JPH1: variants seen among roughly 807,000 people sequenced by gnomAD.
JPH1 encodes junctophilin 1, also known as junctophilin-1.
A neutral mutation model predicts 53.6 loss-of-function variants in JPH1; 12 were observed. The ratio of observed to expected loss-of-function variants is 0.22; its 90% confidence interval spans 0.14 to 0.36. The LOEUF is 0.36. JPH1 is among the 10% of genes least tolerant of loss of function. JPH1 has a pLI of 1.00. For missense variants in JPH1, 808 were observed against 905.5 expected, an observed-to-expected ratio of 0.89 and a Z score of 1.38; for synonymous variants, 375 against 363.8, an observed-to-expected ratio of 1.03 and a Z score of -0.35.
chr8:74,277,541 A>G (rs943770444), intron 2 of JPH1, among the ~76,000 whole-genome samples: 5 of 152,198 alleles, frequency 3.3e-5, no homozygotes, highest in African/African-American at 4.8e-5. Flanking sequence ...TGTTTGTCCA[A>G]TCCATTTCTA....
At chr8:74,311,176 T>C (rs1034108774) in intron 2 of JPH1, among the ~76,000 whole-genome samples, 10 of 152,356 alleles carry the variant, frequency 6.6e-5, no homozygotes, top group East Asian at 3.9e-4. Flanking sequence ...AACTGAATAG[T>C]TGATAACTAT....
chr8:74,315,738 C>A lies in JPH1; in HGVS notation c.380-118G>T. The stretch of plus-strand genomic sequence containing the variant: ...GGTCAAATCTGACCCATTTCCAAGT[C>A]AACCCTGGGGGATACTTTGCATCCA... On this transcript the variant is annotated intron_variant, in intron 1 of 5. Transcript: ENST00000342232. This position sits in a 1 kb window ranked among gnomAD's most constrained non-coding sequence, Gnocchi z 6.3. 1 of 999,480 alleles carries A rather than the reference C, an allele frequency of 1.0e-6. No individual in the cohort carries two copies. The highest frequency in any genetic ancestry group is 1.9e-5 in the South Asian group (1 of 53,340). The allele number at this position is 999,480 out of a possible 1,614,324, so 61.9% of individuals were successfully genotyped here. A position where few individuals can be genotyped will look rare whatever the true frequency, so the allele number is the denominator to read the frequency against.
chr8:74,272,146 A>G (rs1806717974), intron 2 of JPH1, among the ~76,000 whole-genome samples: 1 of 151,848 alleles, frequency 6.6e-6, no homozygotes, highest in Non-Finnish European at 1.5e-5. Context: ...AAAATAATCA[A>G]CCCTGGCTGT....
chr8:74,244,885 T>C lies in JPH1; in HGVS notation c.1549A>G (p.Lys517Glu). The change falls in exon 4 of 6, where the codon AAG (lysine) becomes GAG (glutamate). Residue 517 changes from lysine to glutamate, a missense_variant. Lys to Glu is a moderately conservative substitution (Grantham distance 56). Around this residue, in one of 2 missense-constraint regions of JPH1, gnomAD observed 756 missense variants for 811.9 expected, o/e 0.93. Transcript: ENST00000342232. ...TAIVNKPLMS[K>E]APTKEAGAVV... ...GCTCCTGCCTCCTTCGTGGGAGCCT[T>C]TGACATCAAGGGCTTATTGACAATG... 6.2e-7 allele frequency: 1 copy of C among 1,614,178 alleles called. No homozygotes were observed. The highest frequency in any genetic ancestry group is 8.5e-7 in the Non-Finnish European group (1 of 1,180,042).
At chr8:74,281,065 T>C (rs1807004328) in intron 2 of JPH1, among the ~76,000 whole-genome samples, 1 of 152,232 alleles carries the variant, frequency 6.6e-6, no homozygotes, top group Non-Finnish European at 1.5e-5. Flanking sequence ...GTCTTTCACC[T>C]GGAAATAATT....
intron 3 of JPH1, among the ~76,000 whole-genome samples, chr8:74,251,526 C>A (rs1272381820): frequency 6.6e-6 from 1 of 152,134 alleles, no homozygotes; most frequent in Non-Finnish European, 1.5e-5. Context: ...CACAAACATC[C>A]ATTTGTATGC....
rs371451635 is a variant in JPH1 at position 74,244,327 on chromosome 8, A to G, written c.1905+202T>C. On this transcript the variant is annotated intron_variant, in intron 4 of 5. Coordinates refer to ENST00000342232, the MANE Select transcript of JPH1 (RefSeq NM_020647.4). Reference sequence around the variant, plus strand: ...ACATCTAAAGTGGGGCTGGGTGAACATAGGGGTGGTGGGGGGAATTTCTGC... The same window carrying G: ...ACATCTAAAGTGGGGCTGGGTGAACGTAGGGGTGGTGGGGGGAATTTCTGC... 2.0e-4 allele frequency among the ~76,000 whole-genome samples: 30 copies of G among 152,224 alleles called. No homozygotes were observed. In the South Asian group the frequency reaches 2.3e-3, roughly 12 times the overall value.
intron 2 of JPH1, among the ~76,000 whole-genome samples, chr8:74,307,177 C>T (rs2131454755): frequency 6.6e-6 from 1 of 152,306 alleles, no homozygotes; most frequent in Middle Eastern, 3.4e-3. Flanking sequence ...TCCTTCCTCA[C>T]TTCATCTTTA....
intron 2 of JPH1, among the ~76,000 whole-genome samples, chr8:74,311,054 T>C (rs1454634607): frequency 6.6e-6 from 1 of 152,186 alleles, no homozygotes; most frequent in Non-Finnish European, 1.5e-5. Flanking sequence ...GTCTCCTGAG[T>C]AGCTGGGACT....
Position 74,320,291 on chromosome 8 carries a change from C to G in JPH1, c.379+618G>C, listed in dbSNP as rs1023424773. ...CACACACTCTGAACTCCACCTGCAT[C>G]AGGTGGCCTTTCTGCTCCCATAACT... On this transcript the variant is annotated intron_variant, in intron 1 of 5. Coordinates refer to ENST00000342232, the MANE Select transcript of JPH1 (RefSeq NM_020647.4). This position sits in a 1 kb window ranked among gnomAD's most constrained non-coding sequence, Gnocchi z 4.4. 6.6e-6 allele frequency among the ~76,000 whole-genome samples: 1 copy of G among 152,180 alleles called. No individual in the cohort carries two copies. The highest frequency in any genetic ancestry group is 1.5e-5 in the Non-Finnish European group (1 of 68,032).
Position 74,271,665 on chromosome 8 carries a change from A to T in JPH1, c.1140-12162T>A, listed in dbSNP as rs1806704559. Among the ~76,000 whole-genome samples the T allele has an allele frequency of 3.3e-5, 5 of 152,272 alleles. No individual in the cohort carries two copies. The South Asian group carries it at 1.0e-3, about 32-fold the overall frequency. On this transcript the variant is annotated intron_variant, in intron 2 of 5. Transcript: ENST00000342232. ...AAATGTATTTAAAATTTTGGACCTA[A>T]ATGTTGCTGCAACAGACACAATGGG...
chr8:74,281,757 G>C lies in JPH1; in HGVS notation c.1140-22254C>G, dbSNP rs140772670. The stretch of plus-strand genomic sequence containing the variant: ...ACTATCCCCTCACATTCATACTTCT[G>C]TGATCTTAGGTCATGGGATAAATCT... On this transcript the variant is annotated intron_variant, in intron 2 of 5. Coordinates refer to ENST00000342232, the MANE Select transcript of JPH1 (RefSeq NM_020647.4). Among the ~76,000 whole-genome samples the C allele has an allele frequency of 2.0e-3, 299 of 152,194 alleles. 3 individuals are homozygous for C. The highest frequency in any genetic ancestry group is 3.7e-4 in the Non-Finnish European group (25 of 68,006).
chr8:74,287,669 CT>C (rs770530034), intron 2 of JPH1, among the ~76,000 whole-genome samples: 470 of 136,604 alleles, frequency 3.4e-3, no homozygotes, highest in Middle Eastern at 7.5e-3. Context: ...AGTCTAGTTT[CT>C]TTTTTTTTTT....
At chr8:74,257,991 A>G (rs1462070233) in intron 3 of JPH1, among the ~76,000 whole-genome samples, 2 of 152,088 alleles carry the variant, frequency 1.3e-5, no homozygotes, top group Admixed American at 1.3e-4. Context: ...TCTCCAGGTC[A>G]TTTCTCATTG....
At chr8:74,293,812 T>C (rs1377798774) in intron 2 of JPH1, among the ~76,000 whole-genome samples, 1 of 152,164 alleles carries the variant, frequency 6.6e-6, no homozygotes, top group African/African-American at 2.4e-5. Flanking sequence ...TATGAGACTA[T>C]GCCAGGCTTG....
intron 3 of JPH1, among the ~76,000 whole-genome samples, chr8:74,253,382 C>T (rs1420749312): frequency 6.6e-6 from 1 of 152,118 alleles, no homozygotes; most frequent in Non-Finnish European, 1.5e-5. Context: ...CTCTGGGACA[C>T]ATTCAAAGCA....
intron 2 of JPH1, among the ~76,000 whole-genome samples, chr8:74,273,439 T>C (rs1806760850): frequency 6.6e-6 from 1 of 152,196 alleles, no homozygotes; most frequent in Non-Finnish European, 1.5e-5. Flanking sequence ...CAAGAAAAAC[T>C]AATCAACAAC....
chr8:74,237,402 T>C, intron 4 of JPH1, 99 bp from the exon 5 acceptor site: 1 of 940,882 alleles, frequency 1.1e-6, no homozygotes, highest in Non-Finnish European at 1.7e-6. Flanking sequence ...TTAACATGAT[T>C]GCAGTAAATA....
At chr8:74,312,610 A>G (rs1012986267) in intron 2 of JPH1, among the ~76,000 whole-genome samples, 1 of 152,224 alleles carries the variant, frequency 6.6e-6, no homozygotes, top group Admixed American at 6.5e-5. Context: ...GTTGTAGTGC[A>G]GATCTATAGA....
Sources: allele counts gnomAD v4.1 joint callset (sites outside exome capture counted in the v4.1 genomes callset), GRCh38; gene constraint gnomAD v4.1.1; regional missense constraint gnomAD v4.1.1; non-coding constraint Gnocchi (gnomAD v3.1); transcripts MANE v1.5; gene names NCBI Gene and HGNC (gene_info 2026-07-23, HGNC 2026-07-21).